Variants in TMEM161B observed in about 807,000 individuals in gnomAD.
TMEM161B encodes the protein transmembrane protein 161B.
In TMEM161B, 34 loss-of-function variants were observed where a neutral mutation model predicts 61.8. That is an observed-to-expected ratio of 0.55 (90% CI 0.42 to 0.73). The LOEUF is 0.73. Ranked by LOEUF, TMEM161B falls within the 30% of genes least tolerant of loss-of-function variation. The probability of loss-of-function intolerance (pLI) is 0.00; values close to 1 mark genes in which losing one functional copy is unlikely to be tolerated. For synonymous variants in TMEM161B, 167 were observed against 192.8 expected, an observed-to-expected ratio of 0.87 and a Z score of 1.11; for missense variants, 456 against 558.5, an observed-to-expected ratio of 0.82 and a Z score of 1.85.
intron 5 of TMEM161B, among the ~76,000 whole-genome samples, chr5:88,217,905 G>GA (rs5869420): frequency 3.1e-4 from 41 of 133,992 alleles, no homozygotes; most frequent in Middle Eastern, 3.8e-3. Flanking sequence ...ATACTAGGCA[G>GA]AAAAAAAAAA....
intron 1 of TMEM161B, among the ~76,000 whole-genome samples, chr5:88,243,738 C>T (rs186727040): frequency 4.5e-4 from 68 of 151,986 alleles, no homozygotes; most frequent in African/African-American, 1.6e-3. Flanking sequence ...TCCTTATCTC[C>T]ATAACCTCAC....
At chr5:88,248,464 C>T (rs1322027919) in intron 1 of TMEM161B, among the ~76,000 whole-genome samples, 1 of 152,042 alleles carries the variant, frequency 6.6e-6, no homozygotes, top group Non-Finnish European at 1.5e-5. Context: ...TTTCTGATGT[C>T]CCCAAAAGTA....
rs533196406 is a variant in TMEM161B, at chr5:88,219,141, C to A, written c.446+1422G>T. On this transcript the variant is annotated intron_variant, in intron 5 of 11. Coordinates refer to ENST00000296595, the MANE Select transcript of TMEM161B (RefSeq NM_153354.5). The stretch of plus-strand genomic sequence containing the variant: ...GAAATTGACATATTACTTGATACTT[C>A]TGAATATATTAAGGCAAGTATTCAT... Among the ~76,000 whole-genome samples the A allele has an allele frequency of 9.2e-5, 14 of 152,274 alleles. No homozygotes were observed. The East Asian group carries it at 2.5e-3, about 27-fold the overall frequency.
chr5:88,231,742 G>C (rs923915398), intron 2 of TMEM161B, among the ~76,000 whole-genome samples: 3 of 152,146 alleles, frequency 2.0e-5, no homozygotes, highest in African/African-American at 7.2e-5. Context: ...GTTATTCGCG[G>C]TAGTTAGGTT....
At chr5:88,204,638 G>A (rs1745093892) in intron 8 of TMEM161B, among the ~76,000 whole-genome samples, 1 of 152,044 alleles carries the variant, frequency 6.6e-6, no homozygotes, top group South Asian at 2.1e-4. Context: ...TTAGTGGACT[G>A]AAGTGTGTGT....
chr5:88,188,068 C>T (rs1356654270), downstream of TMEM161B, among the ~76,000 whole-genome samples: 1 of 152,014 alleles, frequency 6.6e-6, no homozygotes, highest in Non-Finnish European at 1.5e-5. Flanking sequence ...TAGCTTAATT[C>T]CATGGTGGTC....
chr5:88,254,229 T>C (rs1266934513), intron 1 of TMEM161B, among the ~76,000 whole-genome samples: 1 of 152,032 alleles, frequency 6.6e-6, no homozygotes, highest in African/African-American at 2.4e-5. Flanking sequence ...AAAACAGAGG[T>C]CTCACAGTTT....
chr5:88,234,465 C>T (rs1751526542), intron 2 of TMEM161B, among the ~76,000 whole-genome samples: 1 of 152,200 alleles, frequency 6.6e-6, no homozygotes, highest in Non-Finnish European at 1.5e-5. Context: ...AGTACAGTTT[C>T]ACAATTTTCT....
intron 1 of TMEM161B, among the ~76,000 whole-genome samples, chr5:88,260,027 A>G (rs560108950): frequency 2.0e-5 from 3 of 152,320 alleles, no homozygotes; most frequent in Non-Finnish European, 2.9e-5. Context: ...CCATTTCTAC[A>G]TCTGTAAGAT....
chr5:88,198,756 A>G, intron 10 of TMEM161B: 1 of 495,350 alleles, frequency 2.0e-6, no homozygotes, highest in South Asian at 3.0e-5. Context: ...CACCCACTGT[A>G]TGACACCAAG....
At chr5:88,249,045 A>G (rs922884403) in intron 1 of TMEM161B, among the ~76,000 whole-genome samples, 2 of 152,142 alleles carry the variant, frequency 1.3e-5, no homozygotes, top group Non-Finnish European at 2.9e-5. Flanking sequence ...CAAAGAAAGG[A>G]AAGTTTTGCC....
At chr5:88,236,844 G>A (rs544621004) in intron 2 of TMEM161B, among the ~76,000 whole-genome samples, 5 of 152,172 alleles carry the variant, frequency 3.3e-5, no homozygotes, top group Admixed American at 1.3e-4. Flanking sequence ...TCTAAAAGAC[G>A]AAGTATGGCT....
chr5:88,192,636 G>T (rs896373733), downstream of TMEM161B, among the ~76,000 whole-genome samples: 1 of 152,180 alleles, frequency 6.6e-6, no homozygotes, highest in African/African-American at 2.4e-5. Context: ...GAGACACTGG[G>T]TTCAAGCTCT....
intron 3 of TMEM161B, among the ~76,000 whole-genome samples, chr5:88,226,374 G>A (rs993964771): frequency 4.6e-5 from 7 of 152,136 alleles, no homozygotes; most frequent in Non-Finnish European, 1.0e-4. Context: ...ACAGATGAAG[G>A]AAAACAAATT....
chr5:88,193,585 T>A (rs990858461), downstream of TMEM161B, among the ~76,000 whole-genome samples: 1 of 152,156 alleles, frequency 6.6e-6, no homozygotes, highest in Non-Finnish European at 1.5e-5. Context: ...CAGAGTATAC[T>A]TAGAGTTTAA....
intron 4 of TMEM161B, among the ~76,000 whole-genome samples, chr5:88,223,829 C>T (rs940647910): frequency 6.6e-6 from 1 of 151,636 alleles, no homozygotes; most frequent in Admixed American, 6.6e-5. Flanking sequence ...GTGGAGCTTG[C>T]AGTGAGCCAA....
chr5:88,208,366 T>C (rs933559805), intron 5 of TMEM161B, among the ~76,000 whole-genome samples: 2 of 152,094 alleles, frequency 1.3e-5, no homozygotes, highest in African/African-American at 4.8e-5. Flanking sequence ...CCTGTAGTCA[T>C]AGCTACTAGG....
At chr5:88,220,743 AAAAAAAAAG>A (rs779514841) in intron 4 of TMEM161B, 24 bp from the exon 5 acceptor site, 62 of 1,519,850 alleles carry the variant, frequency 4.1e-5, no homozygotes, top group Non-Finnish European at 3.5e-5. Flanking sequence ...AAAAAAAAAA[AAAAAAAAAG>A]GTCAAAAAAA....
chr5:88,225,258 C>T (rs547004729), intron 4 of TMEM161B, among the ~76,000 whole-genome samples: 67 of 152,218 alleles, frequency 4.4e-4, no homozygotes, highest in Admixed American at 2.6e-3. Context: ...TGAGCCACCG[C>T]GCCCAGCCAA....
Sources: gnomAD v4.1 joint callset for allele counts (sites outside exome capture counted in the v4.1 genomes callset) on GRCh38, gnomAD v4.1.1 for gene constraint, MANE v1.5 for transcripts, NCBI Gene and HGNC (gene_info 2026-07-23, HGNC 2026-07-21) for gene names.